SCUBE3: variants seen among roughly 807,000 people sequenced by gnomAD.
SCUBE3 encodes signal peptide, CUB domain and EGF like domain containing 3.
Under a neutral mutation model 116.8 loss-of-function variants are expected in SCUBE3, and 33 were observed. The observed-to-expected ratio is 0.28, with a 90% confidence interval of 0.21 to 0.38. SCUBE3 has a LOEUF of 0.38. Among genes scored for constraint, SCUBE3 ranks in the 10% least tolerant of loss-of-function variants. The pLI, the probability that SCUBE3 is intolerant of heterozygous loss-of-function variation, is 1.00. For missense variants in SCUBE3, 1,007 were observed against 1,324.8 expected, an observed-to-expected ratio of 0.76 and a Z score of 3.72; for synonymous variants, 418 against 496.9, an observed-to-expected ratio of 0.84 and a Z score of 2.11.
rs183340002 is a variant in SCUBE3, at chr6:35,242,348, G to A, written c.1534+28G>A. Reference sequence around the variant, plus strand: ...TTGGACTGGGGACCCCATTCCAGTTGGCTGTCTGGCCACTAAATCCTCCTT... The same window carrying A: ...TTGGACTGGGGACCCCATTCCAGTTAGCTGTCTGGCCACTAAATCCTCCTT... On this transcript the variant is annotated intron_variant, in intron 13 of 21. Transcript: ENST00000274938. 1.0e-4 allele frequency: 152 copies of A among 1,472,094 alleles called. 1 individual carries two copies. In the East Asian group the frequency reaches 3.0e-3, roughly 29 times the overall value. The allele number at this position is 1,472,094 out of a possible 1,614,324, so 91.2% of individuals were successfully genotyped here. A position where few individuals can be genotyped will look rare whatever the true frequency, so the allele number is the denominator to read the frequency against.
rs368342758 is a variant in SCUBE3, at chr6:35,245,359, G to A, written c.2533G>A (p.Val845Met). Residue 845 changes from valine (V) to methionine (M), a missense_variant, in exon 19 of 22, where the codon GTG becomes ATG. Transcript: ENST00000274938. The surrounding 1 kb of genome is among the most constrained non-coding windows in gnomAD (Gnocchi z 4.2). The part of the protein sequence containing the change: ...NPPPKRKILI[V>M]VPEIFLPSED... ...CCCACCCAAGCGCAAGATCCTTATC[G>A]TGGTACCAGAGATCTTCCTGCCATC... 1.4e-5 allele frequency: 23 copies of A among 1,614,076 alleles called. No homozygotes were observed. The highest frequency in any genetic ancestry group is 1.6e-4 in the Middle Eastern group (1 of 6,084).
chr6:35,236,317 C>G (rs1783768613), intron 6 of SCUBE3, among the ~76,000 whole-genome samples: 1 of 152,196 alleles, frequency 6.6e-6, no homozygotes, highest in Admixed American at 6.5e-5. Flanking sequence ...TTCTGTCCAG[C>G]CTGGGATGGA....
In SCUBE3 at chr6:35,242,271, C is replaced by G. The variant is rs767358274; in HGVS notation, c.1485C>G (p.His495Gln). Residue 495 changes from histidine to glutamine, a missense_variant, in exon 13 of 22, where the codon CAC becomes CAG. By Grantham distance (24) the His-to-Gln change is conservative. Coordinates refer to ENST00000274938, the MANE Select transcript of SCUBE3 (RefSeq NM_152753.4). ...FKIKDAKCRL[H>Q]LRNKGKTEEA... ...TCAAGGATGCCAAATGCCGTTTGCACCTGCGAAACAAAGGCAAAACAGAGG... is the reference window on the plus strand; with the variant it reads ...TCAAGGATGCCAAATGCCGTTTGCAGCTGCGAAACAAAGGCAAAACAGAGG... 1.2e-6 allele frequency: 2 copies of G among 1,614,118 alleles called. No homozygotes were observed. Among genetic ancestry groups the G allele is most frequent in the Non-Finnish European group, 1.7e-6 (2 of 1,179,978 alleles).
intron 12 of SCUBE3, 64 bp from the exon 13 acceptor site, chr6:35,242,140 C>T (rs1784094378): frequency 5.8e-6 from 7 of 1,217,220 alleles, no homozygotes; most frequent in Admixed American, 1.7e-5. Context: ...TCTCAACAAC[C>T]CCTACGGCAC....
chr6:35,248,933 A>G lies in SCUBE3; in HGVS notation c.*228A>G, dbSNP rs1784458607. Reference sequence around the variant, plus strand: ...CCCCCTTTTCTAACACACTACCTAGAAAAGCCATTCAGTACTGGCTCTAGT... The same window carrying G: ...CCCCCTTTTCTAACACACTACCTAGGAAAGCCATTCAGTACTGGCTCTAGT... On this transcript the variant is annotated 3_prime_UTR_variant, in exon 22 of 22. Coordinates refer to ENST00000274938, the MANE Select transcript of SCUBE3 (RefSeq NM_152753.4). The G allele has an allele frequency of 5.4e-6, 3 of 558,384 alleles. No homozygotes were observed. The highest frequency in any genetic ancestry group is 6.4e-6 in the Non-Finnish European group (2 of 314,322). The allele number at this position is 558,384 out of a possible 1,614,324, so 34.6% of individuals were successfully genotyped here. A position where few individuals can be genotyped will look rare whatever the true frequency, so the allele number is the denominator to read the frequency against.
At position 35,233,148 on chromosome 6, in the gene SCUBE3, G is replaced by A; in HGVS notation, c.596-37G>A. The A allele has an allele frequency of 6.5e-7, 1 of 1,545,094 alleles. No homozygotes were observed. On this transcript the variant is annotated intron_variant, in intron 5 of 21. Coordinates refer to ENST00000274938, the MANE Select transcript of SCUBE3 (RefSeq NM_152753.4). This position sits in a 1 kb window ranked among gnomAD's most constrained non-coding sequence, Gnocchi z 5.7. Reference sequence around the variant, plus strand: ...TGTGGAAAACTGTGGATGCAGGGAGGAGCAAGCTGACAGGGCCCTGTCCTC... The same window carrying A: ...TGTGGAAAACTGTGGATGCAGGGAGAAGCAAGCTGACAGGGCCCTGTCCTC...
chr6:35,231,519 C>A lies in SCUBE3; in HGVS notation c.335-206C>A, dbSNP rs1319200150. ...GAGGTTCAAAGGTCCCCTTTTCCCC[C>A]ACTTGCTTAGCTTCCCAGCTCTGCC... On this transcript the variant is annotated intron_variant, in intron 3 of 21. Transcript: ENST00000274938. This position sits in a 1 kb window ranked among gnomAD's most constrained non-coding sequence, Gnocchi z 4.2. Among the ~76,000 whole-genome samples, 1 of 152,186 alleles carries A rather than the reference C, an allele frequency of 6.6e-6. No homozygotes were observed. Among genetic ancestry groups the A allele is most frequent in the Non-Finnish European group, 1.5e-5 (1 of 68,040 alleles).
rs1301026578 is a variant in SCUBE3 at position 35,243,501 on chromosome 6, C to T, written c.1910-93C>T. 11 of 1,182,570 alleles carry T rather than the reference C, an allele frequency of 9.3e-6. No individual in the cohort carries two copies. The highest frequency in any genetic ancestry group is 7.4e-5 in the South Asian group (5 of 67,814). 73.3% of individuals were successfully genotyped at this position (1,182,570 alleles called of 1,614,324 possible). ...TCCCTGACAGAGATTCTCCCTGAATCGGGGGTTGTGGCGGGGAGTGGGAAG... is the reference window on the plus strand; with the variant it reads ...TCCCTGACAGAGATTCTCCCTGAATTGGGGGTTGTGGCGGGGAGTGGGAAG... On this transcript the variant is annotated intron_variant, in intron 15 of 21. Transcript: ENST00000274938. This position sits in a 1 kb window ranked among gnomAD's most constrained non-coding sequence, Gnocchi z 6.6.
intron 20 of SCUBE3, 26 bp from the exon 21 acceptor site, chr6:35,246,180 G>A (rs1048611313): frequency 1.9e-6 from 3 of 1,612,916 alleles, no homozygotes; most frequent in Non-Finnish European, 2.5e-6. Context: ...CCGCCCCTGA[G>A]CCCCTCACCT....
rs1237228180 is a variant in SCUBE3, at chr6:35,228,698, A to G, written c.293A>G (p.Tyr98Cys). The G allele has an allele frequency of 6.2e-7, 1 of 1,614,140 alleles. No homozygotes were observed. The highest frequency in any genetic ancestry group is 8.5e-7 in the Non-Finnish European group (1 of 1,179,966). ...CCTGGCAATTACCGGTGTACCTGCT[A>G]TGATGGATTCCACCTGGCACATGAC... ...NIPGNYRCTC[Y>C]DGFHLAHDGH... The change falls in exon 3 of 22, where the codon TAT (tyrosine) becomes TGT (cysteine). Residue 98 changes from tyrosine to cysteine, a missense_variant. Tyr to Cys is a radical substitution (Grantham distance 194). This residue lies in a region of SCUBE3 where 37 missense variants were observed against 80.6 expected (regional missense o/e 0.46). Coordinates refer to ENST00000274938, the MANE Select transcript of SCUBE3 (RefSeq NM_152753.4). This position sits in a 1 kb window ranked among gnomAD's most constrained non-coding sequence, Gnocchi z 4.9.
At position 35,244,677 on chromosome 6, in the gene SCUBE3, A is replaced by C. The variant is rs753444099; in HGVS notation, c.2267A>C (p.Asn756Thr). 2.5e-6 allele frequency: 4 copies of C among 1,614,138 alleles called. No homozygotes were observed. Among genetic ancestry groups the C allele is most frequent in the South Asian group, 1.1e-5 (1 of 91,076 alleles). ...CAGTGCTCCCCAGGGCACTACTACA[A>C]CACCAGCATCCACCGCTGTATTCGC... The part of the protein sequence containing the change: ...KVQCSPGHYY[N>T]TSIHRCIRCA... The change falls in exon 18 of 22, where the codon AAC (asparagine) becomes ACC (threonine). Residue 756 changes from asparagine (N) to threonine (T), a missense_variant. Coordinates refer to ENST00000274938, the MANE Select transcript of SCUBE3 (RefSeq NM_152753.4). This position sits in a 1 kb window ranked among gnomAD's most constrained non-coding sequence, Gnocchi z 4.3.
At position 35,233,342 on chromosome 6, in the gene SCUBE3, G is replaced by C; in HGVS notation, c.712+41G>C. On this transcript the variant is annotated intron_variant, in intron 6 of 21. Transcript: ENST00000274938. The surrounding 1 kb of genome is among the most constrained non-coding windows in gnomAD (Gnocchi z 5.7). ...GGAGAACTCAGTCCACCTGAGATGG[G>C]GTGGGGGTGGGACCCTTTGGGAACC... is the stretch of plus-strand genomic sequence containing the variant. The C allele has an allele frequency of 8.4e-7, 1 of 1,192,492 alleles. No individual in the cohort carries two copies. Among genetic ancestry groups the C allele is most frequent in the Non-Finnish European group, 1.3e-6 (1 of 797,960 alleles). 73.9% of individuals were successfully genotyped at this position (1,192,492 alleles called of 1,614,324 possible).
At position 35,239,626 on chromosome 6, in the gene SCUBE3, CAAG is replaced by C. The variant is rs1352162134; in HGVS notation, c.830-121_830-119del. The C allele has an allele frequency of 9.0e-5, 69 of 769,828 alleles. No homozygotes were observed. The highest frequency in any genetic ancestry group is 8.5e-4 in the South Asian group (52 of 60,858). The allele number at this position is 769,828 out of a possible 1,614,324, so 47.7% of individuals were successfully genotyped here. On this transcript the variant is annotated intron_variant, in intron 7 of 21. Transcript: ENST00000274938. The surrounding 1 kb of genome is among the most constrained non-coding windows in gnomAD (Gnocchi z 4.1). ...GAAAGAGAAAGAGACAGAGAGAGAT[CAAG>C]AAGAGGCAGGCCCAGGACTCCTTGA... is the stretch of plus-strand genomic sequence containing the variant.
At position 35,243,566 on chromosome 6, in the gene SCUBE3, G is replaced by T; in HGVS notation, c.1910-28G>T. ...TGGGTGGTGGGAAATGCGGGGGTGG[G>T]TGGCTAGCGCGGCCGACTCTCCCTC... is the stretch of plus-strand genomic sequence containing the variant. On this transcript the variant is annotated intron_variant, in intron 15 of 21. Transcript: ENST00000274938. The surrounding 1 kb of genome is among the most constrained non-coding windows in gnomAD (Gnocchi z 6.6). The T allele has an allele frequency of 6.4e-7, 1 of 1,552,144 alleles. No individual in the cohort carries two copies.
chr6:35,231,198 C>T lies in SCUBE3; in HGVS notation c.335-527C>T, dbSNP rs1581923004. Among the ~76,000 whole-genome samples the T allele has an allele frequency of 6.6e-6, 1 of 152,260 alleles. No homozygotes were observed. Among genetic ancestry groups the T allele is most frequent in the Non-Finnish European group, 1.5e-5 (1 of 67,996 alleles). ...TGTGGCCTGTCCACAGAAATGGTCC[C>T]TGCTCCACAAGGAGGTGAGGCTCAG... On this transcript the variant is annotated intron_variant, in intron 3 of 21. Transcript: ENST00000274938. The surrounding 1 kb of genome is among the most constrained non-coding windows in gnomAD (Gnocchi z 4.2).
chr6:35,247,331 G>A (rs1784384296), intron 21 of SCUBE3, among the ~76,000 whole-genome samples: 1 of 150,684 alleles, frequency 6.6e-6, no homozygotes, highest in African/African-American at 2.4e-5. Context: ...CCAGCTACTC[G>A]GGACCCTGAG....
chr6:35,242,378 C>A, intron 13 of SCUBE3, 58 bp downstream of exon 13: 1 of 1,232,774 alleles, frequency 8.1e-7, no homozygotes, highest in African/African-American at 1.5e-5. Context: ...CTCCTTACCC[C>A]TCAGCTCCTC....
rs1783716001 is a variant in SCUBE3, at chr6:35,235,205, T to C, written c.712+1904T>C. ...TCTGTGGTACTGGGCACATGGTTGG[T>C]TGCCCTTTCTGAGACTGTTTCAGTT... On this transcript the variant is annotated intron_variant, in intron 6 of 21. Transcript: ENST00000274938. The surrounding 1 kb of genome is among the most constrained non-coding windows in gnomAD (Gnocchi z 4.5). Among the ~76,000 whole-genome samples, 1 of 152,206 alleles carries C rather than the reference T, an allele frequency of 6.6e-6. No individual in the cohort carries two copies. The highest frequency in any genetic ancestry group is 1.5e-5 in the Non-Finnish European group (1 of 68,030).
intron 3 of SCUBE3, among the ~76,000 whole-genome samples, chr6:35,229,496 A>G (rs1190406778): frequency 6.6e-6 from 1 of 152,180 alleles, no homozygotes; most frequent in African/African-American, 2.4e-5. Context: ...GCCCTGTACA[A>G]TCCTTAGCAC....
Sources: allele counts gnomAD v4.1 joint callset (sites outside exome capture counted in the v4.1 genomes callset), GRCh38; gene constraint gnomAD v4.1.1; regional missense constraint gnomAD v4.1.1; non-coding constraint Gnocchi (gnomAD v3.1); transcripts MANE v1.5; gene names NCBI Gene and HGNC (gene_info 2026-07-23, HGNC 2026-07-21).